Variants in MTUS1 observed in about 807,000 individuals in gnomAD.
The protein encoded by MTUS1 is microtubule associated scaffold protein 1, also known as microtubule-associated tumor suppressor 1.
In MTUS1, 109 loss-of-function variants were observed where a neutral mutation model predicts 120.8. The observed-to-expected ratio is 0.90, with a 90% CI of 0.77 to 1.06. The LOEUF (loss-of-function observed/expected upper bound fraction) is 1.06. MTUS1 is among the 50% of genes least tolerant of loss of function. The pLI is 0.00. For missense variants in MTUS1, 2,210 were observed against 1,486.3 expected (o/e 1.49, Z -8.01); for synonymous variants, 737 against 550.5 (o/e 1.34, Z -4.74).
intron 8 of MTUS1, among the ~76,000 whole-genome samples, chr8:17,671,344 C>T (rs1811981834): frequency 6.6e-6 from 1 of 150,414 alleles, no homozygotes; most frequent in Non-Finnish European, 1.5e-5. Flanking sequence ...AAACAGAAAG[C>T]ATATTATATT....
At chr8:17,762,242 A>G (rs11203912) in intron 1 of MTUS1, among the ~76,000 whole-genome samples, 148,592 of 152,222 alleles carry the variant, frequency 0.98, 72,624 homozygotes, top group East Asian at 1. Context: ...TCACACCACC[A>G]CACTCCAGCC....
At chr8:17,799,435 A>T (rs985294321) in intron 1 of MTUS1, among the ~76,000 whole-genome samples, 1 of 152,112 alleles carries the variant, frequency 6.6e-6, no homozygotes, top group Non-Finnish European at 1.5e-5. Flanking sequence ...TATATTAACA[A>T]GTATTTTCTT....
At chr8:17,784,417 T>A (rs1197689138) in intron 1 of MTUS1, among the ~76,000 whole-genome samples, 2 of 150,096 alleles carry the variant, frequency 1.3e-5, no homozygotes, top group East Asian at 4.0e-4. Context: ...AGCCTCAGCC[T>A]CTCAGGTAGC....
chr8:17,734,812 C>G (rs138189549), intron 3 of MTUS1, among the ~76,000 whole-genome samples: 2 of 152,330 alleles, frequency 1.3e-5, no homozygotes, highest in African/African-American at 4.8e-5. Context: ...AGAAGGTGCA[C>G]AGTGAGCCTC....
intron 6 of MTUS1, among the ~76,000 whole-genome samples, chr8:17,712,758 G>C (rs1321649392): frequency 6.6e-6 from 1 of 151,604 alleles, no homozygotes; most frequent in African/African-American, 2.4e-5. Context: ...TGGATTCTCA[G>C]CTGTGGTTCA....
intron 1 of MTUS1, among the ~76,000 whole-genome samples, chr8:17,764,484 C>A (rs1164601629): frequency 1.3e-5 from 2 of 151,704 alleles, no homozygotes; most frequent in African/African-American, 4.8e-5. Context: ...AATAATGCAT[C>A]CCCTACACAC....
chr8:17,749,357 T>C lies in MTUS1; in HGVS notation c.2091+4360A>G, dbSNP rs112213644. 7.1e-3 allele frequency among the ~76,000 whole-genome samples: 1,073 copies of C among 152,184 alleles called. 8 individuals are homozygous for C. Among genetic ancestry groups the C allele is most frequent in the African/African-American group, 0.025 (1,039 of 41,526 alleles). On this transcript the variant is annotated intron_variant, in intron 2 of 14. Transcript: ENST00000693296. ...CAGGTCTTTAACTCTTTGAACCAAC[T>C]GCCAATTAGAAAATCTTTAGGCTGG... is the stretch of plus-strand genomic sequence containing the variant.
At chr8:17,665,378 T>A (rs1810669067) in intron 8 of MTUS1, among the ~76,000 whole-genome samples, 1 of 152,202 alleles carries the variant, frequency 6.6e-6, no homozygotes, top group Non-Finnish European at 1.5e-5. Context: ...CCTTTAAAAC[T>A]CAGTTCATAC....
chr8:17,691,978 A>T (rs1817029317), intron 6 of MTUS1: 1 of 152,240 alleles, frequency 6.6e-6, no homozygotes, highest in Non-Finnish European at 1.5e-5. Flanking sequence ...CGTCCAAACG[A>T]CAAAATAACT....
chr8:17,753,632 G>A (rs1317269525), intron 2 of MTUS1, 85 bp downstream of exon 2: 4 of 889,444 alleles, frequency 4.5e-6, no homozygotes, highest in Non-Finnish European at 6.7e-6. Context: ...CAATATTATT[G>A]ACTAATAGAT....
At chr8:17,756,470 G>A (rs1235916715) in intron 1 of MTUS1, among the ~76,000 whole-genome samples, 1 of 152,020 alleles carries the variant, frequency 6.6e-6, no homozygotes, top group African/African-American at 2.4e-5. Flanking sequence ...ATCAGCTGAA[G>A]ATCAATCAAG....
chr8:17,729,622 G>A (rs746287122), intron 3 of MTUS1, among the ~76,000 whole-genome samples: 1 of 152,168 alleles, frequency 6.6e-6, no homozygotes, highest in African/African-American at 2.4e-5. Flanking sequence ...CTGAACAAGT[G>A]TACACATGTG....
intron 1 of MTUS1, among the ~76,000 whole-genome samples, chr8:17,779,038 G>C (rs187473145): frequency 6.6e-6 from 1 of 152,252 alleles, no homozygotes; most frequent in Non-Finnish European, 1.5e-5. Context: ...GGTCACATAG[G>C]AAAGCATGGA....
In MTUS1 at chr8:17,646,114, G is replaced by C. The variant is rs546884000; in HGVS notation, c.3625C>G (p.Leu1209Val). 3 of 1,612,542 alleles carry C rather than the reference G, an allele frequency of 1.9e-6. No homozygotes were observed. Among genetic ancestry groups the C allele is most frequent in the Admixed American group, 1.7e-5 (1 of 59,854 alleles). The change falls in exon 15 of 15, where the codon CTG becomes GTG. Residue 1209 changes from leucine (L) to valine (V), a missense_variant. Physicochemically the swap from Leu to Val is conservative, Grantham distance 32 (BLOSUM62 1). Transcript: ENST00000693296. ...GACTCCTTCTCCAGCGACTCTTGCA[G>C]AACAGCCTGCTCCGTGGAAAGCTGC... is the stretch of plus-strand genomic sequence containing the variant. Reference protein sequence around the residue: ...SRQLSTEQAVLQESLEKESKV... With the variant: ...SRQLSTEQAVVQESLEKESKV...
chr8:17,735,363 C>CT (rs1225628608), intron 3 of MTUS1, among the ~76,000 whole-genome samples: 1 of 152,202 alleles, frequency 6.6e-6, no homozygotes, highest in Admixed American at 6.5e-5. Flanking sequence ...GCCAGACACT[C>CT]TGTCTCCTAA....
intron 3 of MTUS1, among the ~76,000 whole-genome samples, chr8:17,729,092 T>A (rs2046396955): frequency 6.6e-6 from 1 of 152,242 alleles, no homozygotes; most frequent in African/African-American, 2.4e-5. Flanking sequence ...TTTTTCCAGT[T>A]AATTCAGAGA....
At chr8:17,739,280 G>A (rs1352009273) in intron 3 of MTUS1, among the ~76,000 whole-genome samples, 4 of 152,074 alleles carry the variant, frequency 2.6e-5, no homozygotes, top group Non-Finnish European at 5.9e-5. Flanking sequence ...GATCACCTGA[G>A]GTCGGGAGTT....
intron 1 of MTUS1, among the ~76,000 whole-genome samples, chr8:17,796,013 G>C (rs890941230): frequency 6.6e-6 from 1 of 151,512 alleles, no homozygotes; most frequent in Non-Finnish European, 1.5e-5. Context: ...GCAGTGGAGC[G>C]ATCTCAGCTC....
chr8:17,789,322 C>T (rs1171420550), intron 1 of MTUS1, among the ~76,000 whole-genome samples: 2 of 152,064 alleles, frequency 1.3e-5, no homozygotes, highest in Non-Finnish European at 2.9e-5. Context: ...TCAGCCACTG[C>T]CCCCGGCCAC....
Sources: allele counts gnomAD v4.1 joint callset (sites outside exome capture counted in the v4.1 genomes callset), GRCh38; gene constraint gnomAD v4.1.1; transcripts MANE v1.5; gene names NCBI Gene and HGNC (gene_info 2026-07-23, HGNC 2026-07-21).